SLC10A7: variants seen among roughly 807,000 people sequenced by gnomAD.
The protein encoded by SLC10A7 is solute carrier family 10 member 7, also known as sodium/bile acid cotransporter 7.
In SLC10A7, 29 loss-of-function variants were observed where a neutral mutation model predicts 43.2. The ratio of observed to expected loss-of-function variants is 0.67; its 90% confidence interval spans 0.50 to 0.92. The LOEUF (loss-of-function observed/expected upper bound fraction) is 0.92, where lower values mean the gene tolerates loss of function less well. SLC10A7 is among the 40% of genes least tolerant of loss of function. The probability of loss-of-function intolerance (pLI) is 0.00; values close to 1 mark genes in which losing one functional copy is unlikely to be tolerated. For synonymous variants in SLC10A7, 152 were observed against 144.8 expected, an observed-to-expected ratio of 1.05 and a Z score of -0.35; for missense variants, 295 against 403.2, an observed-to-expected ratio of 0.73 and a Z score of 2.30.
At chr4:146,444,603 G>T (rs1730877586) in intron 4 of SLC10A7, among the ~76,000 whole-genome samples, 1 of 151,942 alleles carries the variant, frequency 6.6e-6, no homozygotes, top group Admixed American at 6.6e-5. Context: ...TAACCCAAAC[G>T]CAAGAAATAC....
intron 6 of SLC10A7, among the ~76,000 whole-genome samples, chr4:146,323,267 C>T (rs1021482788): frequency 8.5e-5 from 13 of 152,108 alleles, no homozygotes; most frequent in Admixed American, 3.3e-4. Context: ...GTTGCCATTG[C>T]TTTTGGTGTT....
chr4:146,520,836 TG>T lies in SLC10A7; in HGVS notation c.100+781del, dbSNP rs200099263. On this transcript the variant is annotated intron_variant, in intron 1 of 11. Transcript: ENST00000335472. ...GTAGTACAAGATTGTCTAAAGGTGT[TG>T]GGGGGGGCATAAAAAACTAATATTT... is the stretch of plus-strand genomic sequence containing the variant. Among the ~76,000 whole-genome samples the T allele has an allele frequency of 1.1e-4, 16 of 151,594 alleles. No individual in the cohort carries two copies. In the East Asian group the frequency reaches 1.2e-3, roughly 11 times the overall value.
chr4:146,258,896 G>A, intron 10 of SLC10A7, 59 bp from the exon 11 acceptor site: 1 of 1,542,818 alleles, frequency 6.5e-7, no homozygotes, highest in South Asian at 1.2e-5. Flanking sequence ...CAAATTAAAT[G>A]CATACTCCAT....
intron 5 of SLC10A7, among the ~76,000 whole-genome samples, chr4:146,418,955 G>A (rs978398564): frequency 6.6e-6 from 1 of 152,166 alleles, no homozygotes; most frequent in African/African-American, 2.4e-5. Flanking sequence ...AAAAACACTT[G>A]TGTTTGCCAG....
intron 5 of SLC10A7, among the ~76,000 whole-genome samples, chr4:146,383,601 T>C (rs1737788544): frequency 6.6e-6 from 1 of 152,200 alleles, no homozygotes. Flanking sequence ...TCTCTGCTTT[T>C]GTTGCTTCAT....
At chr4:146,413,123 G>C (rs1277288358) in intron 5 of SLC10A7, among the ~76,000 whole-genome samples, 4 of 151,714 alleles carry the variant, frequency 2.6e-5, no homozygotes, top group African/African-American at 9.7e-5. Context: ...AATATATGTG[G>C]GAAAACTTCA....
intron 4 of SLC10A7, among the ~76,000 whole-genome samples, chr4:146,496,367 C>T (rs889879551): frequency 6.6e-6 from 1 of 152,152 alleles, no homozygotes; most frequent in African/African-American, 2.4e-5. Context: ...GCCTCAAAAG[C>T]AAGATGGTCT....
At position 146,255,107 on chromosome 4, in the gene SLC10A7, G is replaced by C. The variant is rs995035920; in HGVS notation, c.*1384C>G. ...TGAGGACATAGCACGGCCTCAGTGA[G>C]ACCCAGGATGCCAATATTGTCTATC... is the stretch of plus-strand genomic sequence containing the variant. On this transcript the variant is annotated 3_prime_UTR_variant, in exon 12 of 12. Coordinates refer to ENST00000335472, the MANE Select transcript of SLC10A7 (RefSeq NM_001029998.6). 3.3e-5 allele frequency: 5 copies of C among 152,336 alleles called. No individual in the cohort carries two copies. The highest frequency in any genetic ancestry group is 7.3e-5 in the Non-Finnish European group (5 of 68,040). 9.4% of individuals were successfully genotyped at this position (152,336 alleles called of 1,614,324 possible).
chr4:146,449,494 T>G (rs944290435), intron 4 of SLC10A7, among the ~76,000 whole-genome samples: 2 of 152,044 alleles, frequency 1.3e-5, no homozygotes, highest in Admixed American at 6.6e-5. Flanking sequence ...TCCCCTAACC[T>G]GTCCAGCAAA....
chr4:146,463,031 T>C (rs1732679312), intron 4 of SLC10A7, among the ~76,000 whole-genome samples: 2 of 152,162 alleles, frequency 1.3e-5, no homozygotes, highest in African/African-American at 4.8e-5. Flanking sequence ...TATAACATGG[T>C]TAGAGATCCA....
At chr4:146,324,461 AT>A (rs1198894141) in intron 6 of SLC10A7, among the ~76,000 whole-genome samples, 1 of 152,164 alleles carries the variant, frequency 6.6e-6, no homozygotes. Flanking sequence ...CAGCCACCTA[AT>A]TGTGGCTGTA....
intron 4 of SLC10A7, among the ~76,000 whole-genome samples, chr4:146,488,180 G>A (rs1430786479): frequency 6.6e-6 from 1 of 151,718 alleles, no homozygotes; most frequent in East Asian, 1.9e-4. Flanking sequence ...GACAGACTGA[G>A]ACCCTGCCTC....
At chr4:146,268,878 G>A (rs1342408261) in intron 10 of SLC10A7, among the ~76,000 whole-genome samples, 1 of 152,086 alleles carries the variant, frequency 6.6e-6, no homozygotes, top group South Asian at 2.1e-4. Flanking sequence ...GGGGTGCAAG[G>A]GGTGCTTTTT....
At chr4:146,351,150 T>C (rs1448206198) in intron 5 of SLC10A7, among the ~76,000 whole-genome samples, 1 of 150,952 alleles carries the variant, frequency 6.6e-6, no homozygotes, top group East Asian at 1.9e-4. Flanking sequence ...TTTAGAAGAA[T>C]GTATAACTAG....
chr4:146,395,605 G>C (rs1738768703), intron 5 of SLC10A7, among the ~76,000 whole-genome samples: 1 of 152,190 alleles, frequency 6.6e-6, no homozygotes, highest in Non-Finnish European at 1.5e-5. Context: ...GGCTGCTTGT[G>C]AGTGAACTGG....
At chr4:146,422,268 G>C (rs1198145999) in intron 5 of SLC10A7, among the ~76,000 whole-genome samples, 1 of 152,096 alleles carries the variant, frequency 6.6e-6, no homozygotes. Flanking sequence ...TGGTATAACT[G>C]TCTCCAATAA....
chr4:146,409,034 C>T (rs987812750), intron 5 of SLC10A7, among the ~76,000 whole-genome samples: 1 of 151,816 alleles, frequency 6.6e-6, no homozygotes, highest in Non-Finnish European at 1.5e-5. Context: ...AACTCTGAAC[C>T]GAAAATGGGG....
intron 5 of SLC10A7, chr4:146,442,169 G>T: frequency 1.0e-6 from 1 of 972,124 alleles, no homozygotes; most frequent in South Asian, 4.8e-5. Context: ...TAAAAATAAT[G>T]ATTAAAAATG....
intron 5 of SLC10A7, among the ~76,000 whole-genome samples, chr4:146,377,793 A>G (rs1386143460): frequency 2.6e-5 from 4 of 152,180 alleles, no homozygotes; most frequent in Non-Finnish European, 5.9e-5. Context: ...TAATTTGTAT[A>G]TCACAAGTAC....
Sources: gnomAD v4.1 joint callset for allele counts (sites outside exome capture counted in the v4.1 genomes callset) on GRCh38, gnomAD v4.1.1 for gene constraint, MANE v1.5 for transcripts, NCBI Gene and HGNC (gene_info 2026-07-23, HGNC 2026-07-21) for gene names.